The following SLC25A53 variants were observed in gnomAD, a reference collection of about 807,000 sequenced individuals.
SLC25A53 encodes solute carrier family 25 member 53.
In SLC25A53, 5 loss-of-function variants were observed where a neutral mutation model predicts 15.0. The observed-to-expected ratio is 0.33, with a 90% CI of 0.17 to 0.70. The LOEUF (loss-of-function observed/expected upper bound fraction) is 0.70. Among genes scored for constraint, SLC25A53 ranks in the 30% least tolerant of loss-of-function variants. SLC25A53 has a pLI of 0.67. For missense variants in SLC25A53, 216 were observed against 241.6 expected, an observed-to-expected ratio of 0.89 and a Z score of 0.70; for synonymous variants, 95 against 100.0, an observed-to-expected ratio of 0.95 and a Z score of 0.30.
chrX:104,135,859 C>T (rs1405233077), intron 1 of SLC25A53, among the ~76,000 whole-genome samples: 1 of 111,906 alleles, frequency 8.9e-6, no homozygotes, highest in Non-Finnish European at 1.9e-5. Context: ...AGGAATTTAC[C>T]ATCTATCTGA....
rs2075503315 is a variant in SLC25A53, at chrX:104,156,921, C to T, written c.-75G>A. The T allele has an allele frequency of 8.9e-6, 1 of 112,241 alleles. No homozygotes were observed. Among genetic ancestry groups the T allele is most frequent in the Non-Finnish European group, 1.9e-5 (1 of 53,292 alleles). 9.2% of individuals were successfully genotyped at this position (112,241 alleles called of 1,213,427 possible). A position where few individuals can be genotyped will look rare whatever the true frequency, so the allele number is the denominator to read the frequency against. On this transcript the variant is annotated 5_prime_UTR_variant, in exon 1 of 2. Transcript: ENST00000594199. ...CATGGCGGCGACCGACGGCCCCTTT[C>T]CTGTGGCCTCAGAAAGCAGCGACAG...
At position 104,142,920 on chromosome X, in the gene SLC25A53, CAAAAAAA is replaced by C. The variant is rs1216011123; in HGVS notation, c.-32+13951_-32+13957del. On this transcript the variant is annotated intron_variant, in intron 1 of 1. Transcript: ENST00000594199. ...TGGGCGACAGAGCGAGACTCCATCTCAAAAAAAAAAAAAAAAAAAAGAAGGCGGGTGA... is the reference window on the plus strand; with the variant it reads ...TGGGCGACAGAGCGAGACTCCATCTCAAAAAAAAAAAAAGAAGGCGGGTGA... Among the ~76,000 whole-genome samples the C allele has an allele frequency of 8.5e-4, 29 of 33,953 alleles. 1 individual carries two copies. Among genetic ancestry groups the C allele is most frequent in the Non-Finnish European group, 1.7e-4 (3 of 17,573 alleles). 29.5% of individuals were successfully genotyped at this position (33,953 alleles called of 115,157 possible).
At position 104,105,361 on chromosome X, in the gene SLC25A53, A is replaced by G. The variant is rs781794769; in HGVS notation, c.-31-73T>C. ...TGGCAAGCATTTTCATTGCTTAATTAGAAATGAACCCTAAGAAACTCAGGT... is the reference window on the plus strand; with the variant it reads ...TGGCAAGCATTTTCATTGCTTAATTGGAAATGAACCCTAAGAAACTCAGGT... On this transcript the variant is annotated intron_variant, in intron 1 of 1. Coordinates refer to ENST00000594199, the MANE Select transcript of SLC25A53 (RefSeq NM_001012755.5). 1.4e-3 allele frequency: 1,048 copies of G among 733,397 alleles called. 1 individual carries two copies. Among genetic ancestry groups the G allele is most frequent in the South Asian group, 2.4e-3 (71 of 29,811 alleles). 60.4% of individuals were successfully genotyped at this position (733,397 alleles called of 1,213,427 possible).
intron 1 of SLC25A53, among the ~76,000 whole-genome samples, chrX:104,127,269 ATTT>A (rs2075413397): frequency 2.7e-5 from 3 of 112,335 alleles, no homozygotes; most frequent in Non-Finnish European, 3.8e-5. Flanking sequence ...ATAGGACTCT[ATTT>A]ATGTAACATT....
chrX:104,112,584 G>T (rs1201498048), intron 1 of SLC25A53: 1 of 113,858 alleles, frequency 8.8e-6, no homozygotes, highest in Non-Finnish European at 1.9e-5. Context: ...GGCCGAACTG[G>T]AGGGTGGGCG....
rs2075289772 is a variant in SLC25A53 at position 104,103,298 on chromosome X, G to C, written c.*1036C>G. ...GAAGAAGGAGCACTGCAGGTGGAAA[G>C]AATAGTGTGGGCCAGAGTATGGCCA... On this transcript the variant is annotated 3_prime_UTR_variant, in exon 2 of 2. Transcript: ENST00000594199. 1 of 111,735 alleles carries C rather than the reference G, an allele frequency of 8.9e-6. No individual in the cohort carries two copies. The highest frequency in any genetic ancestry group is 3.3e-5 in the African/African-American group (1 of 30,704). 9.2% of individuals were successfully genotyped at this position (111,735 alleles called of 1,213,427 possible). A position where few individuals can be genotyped will look rare whatever the true frequency, so the allele number is the denominator to read the frequency against.
rs1387176924 is a variant in SLC25A53, at chrX:104,102,758, TA to T, written c.*1575del. On this transcript the variant is annotated 3_prime_UTR_variant, in exon 2 of 2. Coordinates refer to ENST00000594199, the MANE Select transcript of SLC25A53 (RefSeq NM_001012755.5). ...ATGAGTTTTACAGTCTAGTAGGAGG[TA>T]TTGAAGAATACAAGAACAAAGGGTC... 1.8e-5 allele frequency: 2 copies of T among 111,257 alleles called. No homozygotes were observed. Among genetic ancestry groups the T allele is most frequent in the Non-Finnish European group, 3.8e-5 (2 of 53,062 alleles). The allele number at this position is 111,257 out of a possible 1,213,427, so 9.2% of individuals were successfully genotyped here. A position where few individuals can be genotyped will look rare whatever the true frequency, so the allele number is the denominator to read the frequency against.
In SLC25A53 at chrX:104,102,662, T is replaced by C. The variant is rs1426717058; in HGVS notation, c.*1672A>G. The C allele has an allele frequency of 2.7e-5, 3 of 112,021 alleles. No individual in the cohort carries two copies. Among genetic ancestry groups the C allele is most frequent in the Non-Finnish European group, 5.6e-5 (3 of 53,265 alleles). The allele number at this position is 112,021 out of a possible 1,213,427, so 9.2% of individuals were successfully genotyped here. A position where few individuals can be genotyped will look rare whatever the true frequency, so the allele number is the denominator to read the frequency against. On this transcript the variant is annotated 3_prime_UTR_variant, in exon 2 of 2. Coordinates refer to ENST00000594199, the MANE Select transcript of SLC25A53 (RefSeq NM_001012755.5). ...CACAGCTTGATAATCAACTCAGTAA[T>C]TTGACCAACGTTATTGAGCACCTAG...
chrX:104,118,388 G>A (rs1378455599), intron 1 of SLC25A53, among the ~76,000 whole-genome samples: 3 of 111,398 alleles, frequency 2.7e-5, no homozygotes, highest in Non-Finnish European at 5.7e-5. Flanking sequence ...TCTTTTTGAT[G>A]CCTACTTCTC....
intron 1 of SLC25A53, among the ~76,000 whole-genome samples, chrX:104,136,650 T>C (rs994310225): frequency 3.6e-5 from 4 of 112,126 alleles, no homozygotes; most frequent in African/African-American, 9.7e-5. Flanking sequence ...CCAGTGCAGT[T>C]TGCTCTGACA....
At chrX:104,115,081 A>G in intron 1 of SLC25A53, 2 of 1,200,105 alleles carry the variant, frequency 1.7e-6, no homozygotes, top group South Asian at 1.8e-5. Context: ...TCTTTCTACC[A>G]GTGGTGGTTC....
At chrX:104,134,150 G>A (rs2075431466) in intron 1 of SLC25A53, among the ~76,000 whole-genome samples, 1 of 111,477 alleles carries the variant, frequency 9.0e-6, no homozygotes, top group South Asian at 3.8e-4. Flanking sequence ...AAAAGAAACT[G>A]TCAAATGATA....
intron 1 of SLC25A53, chrX:104,115,029 A>C (rs2075370672): frequency 8.4e-7 from 1 of 1,193,227 alleles, no homozygotes; most frequent in Non-Finnish European, 1.1e-6. Context: ...CTCTGGATCA[A>C]GTGCTGGTTA....
chrX:104,118,002 C>T (rs781844154), intron 1 of SLC25A53, among the ~76,000 whole-genome samples: 1 of 111,380 alleles, frequency 9.0e-6, no homozygotes, highest in South Asian at 3.8e-4. Context: ...AAACCTGAAA[C>T]TGTCTAAATT....
At position 104,100,747 on chromosome X, in the gene SLC25A53, C is replaced by T. The variant is rs192507185; in HGVS notation, c.*3587G>A. The T allele has an allele frequency of 8.9e-6, 1 of 112,283 alleles. No homozygotes were observed. Among genetic ancestry groups the T allele is most frequent in the African/African-American group, 3.2e-5 (1 of 30,937 alleles). 9.3% of individuals were successfully genotyped at this position (112,283 alleles called of 1,213,427 possible). A position where few individuals can be genotyped will look rare whatever the true frequency, so the allele number is the denominator to read the frequency against. The stretch of plus-strand genomic sequence containing the variant: ...ATTTAAGCAATTATTAGCAATTTAG[C>T]TTTAAAATATACTCCGAGGGGAAAA... On this transcript the variant is annotated 3_prime_UTR_variant, in exon 2 of 2. Coordinates refer to ENST00000594199, the MANE Select transcript of SLC25A53 (RefSeq NM_001012755.5).
intron 1 of SLC25A53, among the ~76,000 whole-genome samples, chrX:104,146,522 G>C (rs1341470705): frequency 9.0e-6 from 1 of 111,636 alleles, no homozygotes; most frequent in Admixed American, 9.5e-5. Context: ...AATTGTCCCT[G>C]TTTGCAGATG....
intron 1 of SLC25A53, among the ~76,000 whole-genome samples, chrX:104,124,323 G>T (rs2075403776): frequency 8.9e-6 from 1 of 112,282 alleles, no homozygotes; most frequent in Non-Finnish European, 1.9e-5. Flanking sequence ...GTGATGATGA[G>T]ATTTTTTTCA....
intron 1 of SLC25A53, chrX:104,114,075 C>A: frequency 8.3e-7 from 1 of 1,210,653 alleles, no homozygotes; most frequent in Non-Finnish European, 1.1e-6. Flanking sequence ...AAAGCGCGAG[C>A]ATCTTGTTGT....
chrX:104,156,274 T>C (rs1022142981), intron 1 of SLC25A53, among the ~76,000 whole-genome samples: 2 of 110,735 alleles, frequency 1.8e-5, no homozygotes, highest in African/African-American at 6.6e-5. Flanking sequence ...ATGAGTTCGG[T>C]GGCACCCAAT....
Sources: gnomAD v4.1 joint callset for allele counts (sites outside exome capture counted in the v4.1 genomes callset) on GRCh38, gnomAD v4.1.1 for gene constraint, MANE v1.5 for transcripts, NCBI Gene and HGNC (gene_info 2026-07-23, HGNC 2026-07-21) for gene names.